The following SCAPER variants were observed in gnomAD, a reference collection of about 807,000 sequenced individuals.
SCAPER encodes the protein S-phase cyclin A associated protein in the ER.
SCAPER carries 98 observed loss-of-function variants against 182.2 expected under a neutral mutation model. The ratio of observed to expected loss-of-function variants is 0.54; its 90% CI spans 0.46 to 0.64. The LOEUF (loss-of-function observed/expected upper bound fraction) is 0.64. Ranked by LOEUF, SCAPER falls within the 30% of genes least tolerant of loss-of-function variation. SCAPER has a pLI of 0.00. For synonymous variants in SCAPER, 605 were observed against 564.6 expected (o/e 1.07, Z -1.01); for missense variants, 1,432 against 1,690.0 (o/e 0.85, Z 2.68).
intron 23 of SCAPER, among the ~76,000 whole-genome samples, chr15:76,533,721 A>C (rs2043880562): frequency 6.6e-6 from 1 of 152,088 alleles, no homozygotes; most frequent in African/African-American, 2.4e-5. Flanking sequence ...TAAATGCCTG[A>C]AATTGAAACA....
chr15:76,704,160 T>A (rs11072617), intron 18 of SCAPER, among the ~76,000 whole-genome samples: 13,977 of 152,218 alleles, frequency 0.092, 787 homozygotes, highest in African/African-American at 0.15. Flanking sequence ...GATTAAAACC[T>A]ATGAATATAA....
At chr15:76,380,499 T>C (rs2042877521) in intron 28 of SCAPER, 1 of 152,206 alleles carries the variant, frequency 6.6e-6, no homozygotes, top group Admixed American at 6.5e-5. Flanking sequence ...AATATAGAAG[T>C]ATTCTTCTCA....
At chr15:76,807,420 C>T (rs934346719) in intron 5 of SCAPER, among the ~76,000 whole-genome samples, 18 of 152,166 alleles carry the variant, frequency 1.2e-4, no homozygotes, top group African/African-American at 3.6e-4. Context: ...ATGTTATAGA[C>T]CTTTTTATGT....
At chr15:76,611,200 G>A (rs2050949402) in intron 22 of SCAPER, among the ~76,000 whole-genome samples, 1 of 151,904 alleles carries the variant, frequency 6.6e-6, no homozygotes. Context: ...TAGGAAAATG[G>A]AGTATCCTTA....
chr15:76,631,380 A>G (rs2053094254), intron 21 of SCAPER, among the ~76,000 whole-genome samples: 1 of 152,176 alleles, frequency 6.6e-6, no homozygotes, highest in Admixed American at 6.5e-5. Context: ...GTTGCTTCAT[A>G]ATGTCACTGG....
chr15:76,838,385 C>A (rs1348432718), intron 5 of SCAPER, among the ~76,000 whole-genome samples: 2 of 152,182 alleles, frequency 1.3e-5, no homozygotes, highest in Admixed American at 1.3e-4. Context: ...ATAGGAGACA[C>A]TGGGGCCCAA....
intron 1 of SCAPER, among the ~76,000 whole-genome samples, chr15:76,904,454 T>A (rs1433078269): frequency 1.3e-5 from 2 of 152,166 alleles, no homozygotes; most frequent in Non-Finnish European, 2.9e-5. Context: ...ACAACTAGAA[T>A]AAGAGATGCA....
intron 24 of SCAPER, among the ~76,000 whole-genome samples, chr15:76,484,684 G>A (rs1343229116): frequency 6.6e-6 from 1 of 151,976 alleles, no homozygotes; most frequent in African/African-American, 2.4e-5. Flanking sequence ...ACTGAATCCA[G>A]CAGCACATCA....
intron 21 of SCAPER, among the ~76,000 whole-genome samples, chr15:76,634,100 C>A (rs2053393120): frequency 6.6e-6 from 1 of 152,358 alleles, no homozygotes; most frequent in South Asian, 2.1e-4. Context: ...GTGCTTGGCA[C>A]CCAAGGCCCT....
At chr15:76,429,575 G>A (rs932977019) in intron 26 of SCAPER, among the ~76,000 whole-genome samples, 1 of 152,104 alleles carries the variant, frequency 6.6e-6, no homozygotes, top group Non-Finnish European at 1.5e-5. Flanking sequence ...AGAGACTGGC[G>A]GCATTTTTCC....
chr15:76,379,272 G>A (rs1326887044), intron 28 of SCAPER, among the ~76,000 whole-genome samples: 2 of 151,822 alleles, frequency 1.3e-5, no homozygotes. Context: ...TGATAAGAGA[G>A]GAGAGACAGG....
At chr15:76,751,260 T>A (rs911532287) in intron 15 of SCAPER, among the ~76,000 whole-genome samples, 2 of 151,706 alleles carry the variant, frequency 1.3e-5, no homozygotes, top group Non-Finnish European at 3.0e-5. Context: ...TATCCCATGA[T>A]CATAAACCAG....
intron 1 of SCAPER, among the ~76,000 whole-genome samples, chr15:76,889,153 G>A (rs776614686): frequency 6.6e-6 from 1 of 152,190 alleles, no homozygotes; most frequent in Non-Finnish European, 1.5e-5. Context: ...CACCAGGCCT[G>A]CCTTATAAGA....
chr15:76,644,636 C>A (rs899660218), intron 21 of SCAPER, among the ~76,000 whole-genome samples: 1 of 151,902 alleles, frequency 6.6e-6, no homozygotes, highest in Non-Finnish European at 1.5e-5. Context: ...GTTATCAAAG[C>A]CTGTATCAAA....
At chr15:76,538,844 G>A (rs929241893) in intron 23 of SCAPER, among the ~76,000 whole-genome samples, 10 of 152,094 alleles carry the variant, frequency 6.6e-5, no homozygotes, top group African/African-American at 2.4e-4. Context: ...ACAGTTATTT[G>A]ATCTCCACGT....
intron 23 of SCAPER, among the ~76,000 whole-genome samples, chr15:76,528,613 C>T (rs1229894404): frequency 6.6e-6 from 1 of 152,164 alleles, no homozygotes; most frequent in Non-Finnish European, 1.5e-5. Flanking sequence ...TCAAACAATC[C>T]CTATCGTCAG....
At chr15:76,845,323 C>G (rs2069954705) in intron 4 of SCAPER, among the ~76,000 whole-genome samples, 1 of 152,074 alleles carries the variant, frequency 6.6e-6, no homozygotes, top group Non-Finnish European at 1.5e-5. Flanking sequence ...GAAAAGGATA[C>G]CTGCTTTCAC....
At chr15:76,504,786 T>A in intron 24 of SCAPER, 73 bp downstream of exon 24, 1 of 1,223,554 alleles carries the variant, frequency 8.2e-7, no homozygotes, top group South Asian at 1.5e-5. Flanking sequence ...CTTGTGGTTC[T>A]CCATATGGAA....
chr15:76,728,526 A>G, intron 17 of SCAPER, 69 bp downstream of exon 17: 1 of 1,596,314 alleles, frequency 6.3e-7, no homozygotes. Context: ...ATGACAGTAA[A>G]TGGCTTTAAG....
Sources: allele counts gnomAD v4.1 joint callset (sites outside exome capture counted in the v4.1 genomes callset), GRCh38; gene constraint gnomAD v4.1.1; transcripts MANE v1.5; gene names NCBI Gene and HGNC (gene_info 2026-07-23, HGNC 2026-07-21).